SLC1A6: variants seen among roughly 807,000 people sequenced by gnomAD.
SLC1A6 encodes the protein excitatory amino acid transporter 4.
In SLC1A6, 15 loss-of-function variants were observed where a neutral mutation model predicts 42.1. The ratio of observed to expected loss-of-function variants is 0.36; its 90% CI spans 0.24 to 0.55. SLC1A6 has a LOEUF of 0.55. SLC1A6 is among the 20% of genes least tolerant of loss of function. The probability of loss-of-function intolerance (pLI) is 0.88; values close to 1 mark genes in which losing one functional copy is unlikely to be tolerated. For missense variants in SLC1A6, 542 were observed against 772.5 expected, an observed-to-expected ratio of 0.70 and a Z score of 3.54; for synonymous variants, 317 against 319.7, an observed-to-expected ratio of 0.99 and a Z score of 0.09.
At chr19:14,989,761 GGGT>G (rs770028186) in intron 1 of SLC1A6, among the ~76,000 whole-genome samples, 10,885 of 35,364 alleles carry the variant, frequency 0.31, 553 homozygotes, top group South Asian at 0.5. Flanking sequence ...GCGGGGGGTG[GGGT>G]GTGGATCACC....
chr19:14,956,813 C>A (rs968688314), intron 6 of SLC1A6, 104 bp from the exon 7 acceptor site: 13 of 693,558 alleles, frequency 1.9e-5, no homozygotes, highest in Admixed American at 8.2e-5. Context: ...CCTGGAGCCA[C>A]ACAATACCCA....
In SLC1A6 at chr19:14,959,770, T is replaced by C. The variant is rs527936807; in HGVS notation, c.935+2232A>G. Among the ~76,000 whole-genome samples the C allele has an allele frequency of 2.6e-5, 4 of 152,244 alleles. 1 individual carries two copies. The South Asian group carries it at 8.3e-4, about 32-fold the overall frequency. On this transcript the variant is annotated intron_variant, in intron 6 of 9. Transcript: ENST00000594383. The stretch of plus-strand genomic sequence containing the variant: ...CTCTCTGCCTGAAATACGTCTCCCC[T>C]CTCACTGTCCAGTTGAAGTCCTACT...
Position 14,954,238 on chromosome 19 carries a change from T to G in SLC1A6, c.1261A>C (p.Thr421Pro). The G allele has an allele frequency of 6.2e-7, 1 of 1,614,190 alleles. No homozygotes were observed. The change falls in exon 8 of 10, where the codon ACG (threonine) becomes CCG (proline). Residue 421 changes from threonine to proline, a missense_variant. By Grantham distance (38) the Thr-to-Pro change is conservative. Coordinates refer to ENST00000594383, the MANE Select transcript of SLC1A6 (RefSeq NM_005071.3). ...AGGGCAGTGCCATCCATGTTGACCG[T>G]GGCGCCCACGGGCAGGACGAACCTG... is the stretch of plus-strand genomic sequence containing the variant. ...ITRFVLPVGA[T>P]VNMDGTALYE...
chr19:14,999,006 T>C (rs1308076285), intron 1 of SLC1A6, among the ~76,000 whole-genome samples: 1 of 151,830 alleles, frequency 6.6e-6, no homozygotes, highest in African/African-American at 2.4e-5. Flanking sequence ...GCCTCCCGAG[T>C]AGCTGGGACT....
intron 6 of SLC1A6, chr19:14,961,235 A>G (rs974954302): frequency 1.3e-5 from 2 of 152,244 alleles, no homozygotes; most frequent in African/African-American, 4.8e-5. Context: ...ACCACAAAAA[A>G]ATAAGCATGT....
chr19:14,971,364 C>A (rs2045638405), intron 3 of SLC1A6, among the ~76,000 whole-genome samples: 1 of 152,120 alleles, frequency 6.6e-6, no homozygotes, highest in African/African-American at 2.4e-5. Context: ...ATCTCACTCA[C>A]CTTCCACACC....
At chr19:14,987,632 A>C (rs1227536306) in intron 1 of SLC1A6, among the ~76,000 whole-genome samples, 2 of 152,134 alleles carry the variant, frequency 1.3e-5, no homozygotes, top group East Asian at 1.9e-4. Flanking sequence ...GTGAGCAGGG[A>C]GGATGACTAC....
chr19:14,954,054 T>TCCACCCACCCCAAC, intron 8 of SLC1A6, 81 bp downstream of exon 8: 2 of 978,308 alleles, frequency 2.0e-6, no homozygotes, highest in Non-Finnish European at 3.1e-6. Context: ...TGAGGCCCCC[T>TCCACCCACCCCAAC]CCTCCCTCCC....
At chr19:14,967,397 G>C (rs1441550708) in intron 4 of SLC1A6, among the ~76,000 whole-genome samples, 1 of 152,164 alleles carries the variant, frequency 6.6e-6, no homozygotes, top group African/African-American at 2.4e-5. Flanking sequence ...CAGCTGAACA[G>C]ACTCTCTTGT....
intron 1 of SLC1A6, among the ~76,000 whole-genome samples, chr19:15,006,706 T>G (rs2045897200): frequency 6.7e-6 from 1 of 150,310 alleles, no homozygotes; most frequent in Admixed American, 6.7e-5. Flanking sequence ...GGAGAATTAC[T>G]TAAGGCCAGG....
chr19:15,006,740 A>G (rs1325987887), intron 1 of SLC1A6, among the ~76,000 whole-genome samples: 2 of 148,568 alleles, frequency 1.3e-5, no homozygotes, highest in Non-Finnish European at 3.0e-5. Context: ...CCAGGGAAAG[A>G]TAGCAAGACC....
At chr19:14,985,397 TCTC>T (rs2045788157) in intron 1 of SLC1A6, among the ~76,000 whole-genome samples, 1 of 152,094 alleles carries the variant, frequency 6.6e-6, no homozygotes, top group Admixed American at 6.6e-5. Context: ...TTGCTGCCAT[TCTC>T]CTGGTAATGA....
At chr19:14,952,894 A>C (rs374675500) in intron 9 of SLC1A6, 34 bp downstream of exon 9, 1 of 1,606,150 alleles carries the variant, frequency 6.2e-7, no homozygotes, top group Non-Finnish European at 8.5e-7. Flanking sequence ...GTGCAGAAGC[A>C]GGAGCACCAG....
intron 3 of SLC1A6, among the ~76,000 whole-genome samples, chr19:14,969,739 G>A (rs1225871073): frequency 6.6e-6 from 1 of 152,020 alleles, no homozygotes. Context: ...CCAAATCCAG[G>A]GATTGGCAAA....
At chr19:15,001,745 C>T (rs7259665) in intron 1 of SLC1A6, among the ~76,000 whole-genome samples, 14,819 of 152,132 alleles carry the variant, frequency 0.097, 879 homozygotes, top group East Asian at 0.2. Context: ...ATTGCAGCCT[C>T]GACCTCCCTT....
intron 4 of SLC1A6, 78 bp downstream of exon 4, chr19:14,968,225 T>C: frequency 8.3e-7 from 1 of 1,210,698 alleles, no homozygotes; most frequent in Non-Finnish European, 1.2e-6. Context: ...GATGACCTCT[T>C]TGCAGGCTAT....
upstream of SLC1A6, among the ~76,000 whole-genome samples, chr19:14,980,688 T>A (rs974772601): frequency 6.7e-6 from 1 of 150,324 alleles, no homozygotes; most frequent in African/African-American, 2.5e-5. Flanking sequence ...GCACGTTCAA[T>A]GTTTTTTATT....
At chr19:15,005,147 C>T (rs965184524) in intron 1 of SLC1A6, among the ~76,000 whole-genome samples, 2 of 151,800 alleles carry the variant, frequency 1.3e-5, no homozygotes, top group Non-Finnish European at 2.9e-5. Flanking sequence ...ATAGGGCCAG[C>T]TACCCAGGAG....
intron 9 of SLC1A6, among the ~76,000 whole-genome samples, chr19:14,951,586 G>A (rs1013091882): frequency 7.2e-5 from 11 of 151,866 alleles, no homozygotes; most frequent in East Asian, 2.0e-4. Flanking sequence ...GTGCGATCTC[G>A]GCTCACTGCA....
Sources: allele counts gnomAD v4.1 joint callset (sites outside exome capture counted in the v4.1 genomes callset), GRCh38; gene constraint gnomAD v4.1.1; transcripts MANE v1.5; gene names NCBI Gene and HGNC (gene_info 2026-07-23, HGNC 2026-07-21).